Variants in SETD3 observed in about 807,000 individuals in gnomAD.
SETD3 encodes the protein actin-histidine N-methyltransferase.
A neutral mutation model predicts 63.0 loss-of-function variants in SETD3; 19 were observed. The ratio of observed to expected loss-of-function variants is 0.30; its 90% CI spans 0.21 to 0.44. The LOEUF (loss-of-function observed/expected upper bound fraction) is 0.44, where lower values mean the gene tolerates loss of function less well. Among genes scored for constraint, SETD3 ranks in the 20% least tolerant of loss-of-function variants. The pLI is 1.00. For missense variants in SETD3, 587 were observed against 728.5 expected (o/e 0.81, Z 2.24); for synonymous variants, 286 against 264.1 (o/e 1.08, Z -0.80).
chr14:99,438,308 T>C (rs895623350), intron 6 of SETD3, among the ~76,000 whole-genome samples: 2 of 152,264 alleles, frequency 1.3e-5, no homozygotes, highest in African/African-American at 4.8e-5. Context: ...AAAAATTTGC[T>C]CTAGGCTTGA....
chr14:99,427,372 C>T (rs1211692255), intron 6 of SETD3, among the ~76,000 whole-genome samples: 1 of 152,084 alleles, frequency 6.6e-6, no homozygotes, highest in Admixed American at 6.5e-5. Context: ...TTTTAAAAAA[C>T]AGGACATAAT....
At chr14:99,404,138 T>TCCCAAAAG in intron 11 of SETD3, 87 bp downstream of exon 11, 1 of 1,046,614 alleles carries the variant, frequency 9.6e-7, no homozygotes. Flanking sequence ...TTAATCCACT[T>TCCCAAAAG]TACCTTTAAT....
upstream of SETD3, among the ~76,000 whole-genome samples, chr14:99,485,186 G>C (rs1353129106): frequency 6.6e-6 from 1 of 152,146 alleles, no homozygotes; most frequent in African/African-American, 2.4e-5. Context: ...TTCTGCCTTG[G>C]AACCTAAAGG....
intron 6 of SETD3, 69 bp from the exon 7 acceptor site, chr14:99,414,003 A>C: frequency 7.0e-7 from 1 of 1,419,882 alleles, no homozygotes; most frequent in Non-Finnish European, 1.0e-6. Context: ...CAGTCAGCAG[A>C]ATTTCATTAT....
chr14:99,403,228 G>A (rs1487185107), intron 11 of SETD3, among the ~76,000 whole-genome samples: 1 of 152,096 alleles, frequency 6.6e-6, no homozygotes, highest in Non-Finnish European at 1.5e-5. Flanking sequence ...CCTGGATCCA[G>A]ACATTAAAAC....
At chr14:99,438,849 C>A (rs1893633455) in intron 6 of SETD3, among the ~76,000 whole-genome samples, 1 of 152,228 alleles carries the variant, frequency 6.6e-6, no homozygotes, top group Non-Finnish European at 1.5e-5. Context: ...TCTGTTTCAT[C>A]TTCTTGCCTT....
intron 6 of SETD3, among the ~76,000 whole-genome samples, chr14:99,432,105 G>A (rs1360009634): frequency 2.0e-5 from 3 of 151,996 alleles, no homozygotes; most frequent in Admixed American, 6.5e-5. Context: ...ACTAAGATTC[G>A]TATATTTAAG....
chr14:99,475,011 G>T (rs1420476116), intron 1 of SETD3, among the ~76,000 whole-genome samples: 1 of 151,944 alleles, frequency 6.6e-6, no homozygotes, highest in Non-Finnish European at 1.5e-5. Flanking sequence ...TTAACATGAG[G>T]TTCCTATTTA....
intron 6 of SETD3, among the ~76,000 whole-genome samples, chr14:99,446,426 A>G (rs1322637148): frequency 6.6e-6 from 1 of 152,192 alleles, no homozygotes; most frequent in African/African-American, 2.4e-5. Flanking sequence ...ATATAATAGA[A>G]AGTAAGAAAA....
At chr14:99,419,001 G>A (rs1185286178) in intron 6 of SETD3, among the ~76,000 whole-genome samples, 1 of 152,142 alleles carries the variant, frequency 6.6e-6, no homozygotes, top group Non-Finnish European at 1.5e-5. Context: ...ATATAATACA[G>A]TTGAACAGAA....
chr14:99,439,200 C>T (rs927170964), intron 6 of SETD3, among the ~76,000 whole-genome samples: 2 of 152,232 alleles, frequency 1.3e-5, no homozygotes, highest in Non-Finnish European at 2.9e-5. Context: ...CCACAACAGG[C>T]TTCTCAGCTC....
intron 6 of SETD3, among the ~76,000 whole-genome samples, chr14:99,423,752 G>C (rs1370780180): frequency 6.6e-6 from 1 of 152,040 alleles, no homozygotes. Context: ...GGTAAAATCT[G>C]GAAGAACAAA....
At chr14:99,441,543 C>T (rs1893811018) in intron 6 of SETD3, among the ~76,000 whole-genome samples, 1 of 152,232 alleles carries the variant, frequency 6.6e-6, no homozygotes, top group Non-Finnish European at 1.5e-5. Flanking sequence ...AGGACAAAAC[C>T]GCACGCTAGC....
rs1891214694 is a variant in SETD3, at chr14:99,398,749, T to C, written c.1715A>G (p.Gln572Arg). The change falls in exon 13 of 13, where the codon CAA (glutamine) becomes CGA (arginine). Residue 572 changes from glutamine (Q) to arginine (R), a missense_variant. Transcript: ENST00000331768. ...GTCTTCAACTGCTCTTTTACTTTCT[T>C]GATTGAGACTTTCATTTTCGGACCT... ...GTRSENESLN[Q>R]ESKRAVEDAK... The C allele has an allele frequency of 6.2e-7, 1 of 1,614,114 alleles. No homozygotes were observed. The highest frequency in any genetic ancestry group is 8.5e-7 in the Non-Finnish European group (1 of 1,180,050).
intron 2 of SETD3, among the ~76,000 whole-genome samples, chr14:99,464,688 C>A (rs1277209868): frequency 6.6e-6 from 1 of 152,226 alleles, no homozygotes; most frequent in Non-Finnish European, 1.5e-5. Context: ...GGACAAAGGG[C>A]AACGGAGTGA....
chr14:99,479,483 T>G (rs889633910), intron 1 of SETD3, among the ~76,000 whole-genome samples: 19 of 152,238 alleles, frequency 1.2e-4, no homozygotes, highest in Non-Finnish European at 2.4e-4. Flanking sequence ...ACTGCTTTAT[T>G]TTGCTATATT....
At chr14:99,409,604 A>G (rs995536545) in intron 8 of SETD3, among the ~76,000 whole-genome samples, 2 of 152,134 alleles carry the variant, frequency 1.3e-5, no homozygotes, top group Non-Finnish European at 2.9e-5. Context: ...TAGGAGGAAG[A>G]GCACGATATA....
At chr14:99,441,306 G>T (rs1300707288) in intron 6 of SETD3, among the ~76,000 whole-genome samples, 1 of 152,190 alleles carries the variant, frequency 6.6e-6, no homozygotes, top group African/African-American at 2.4e-5. Flanking sequence ...AGGGCTCACA[G>T]CCCTCAGAGA....
At chr14:99,451,133 A>G (rs1438757021) in intron 6 of SETD3, among the ~76,000 whole-genome samples, 1 of 152,208 alleles carries the variant, frequency 6.6e-6, no homozygotes, top group Non-Finnish European at 1.5e-5. Context: ...TAGTACTTCA[A>G]AGTAGGGTTT....
Sources: allele counts gnomAD v4.1 joint callset (sites outside exome capture counted in the v4.1 genomes callset), GRCh38; gene constraint gnomAD v4.1.1; transcripts MANE v1.5; gene names NCBI Gene and HGNC (gene_info 2026-07-23, HGNC 2026-07-21).